Variants in SSH2 observed in about 807,000 individuals in gnomAD.
SSH2 encodes the protein protein phosphatase Slingshot homolog 2.
A neutral mutation model predicts 135.2 loss-of-function variants in SSH2; 37 were observed. The ratio of observed to expected loss-of-function variants is 0.27; its 90% CI spans 0.21 to 0.36. SSH2 has a LOEUF of 0.36. SSH2 is among the 10% of genes least tolerant of loss of function. The probability of loss-of-function intolerance (pLI) is 1.00; values close to 1 mark genes in which losing one functional copy is unlikely to be tolerated. For missense variants in SSH2, 1,408 were observed against 1,765.3 expected (o/e 0.80, Z 3.63); for synonymous variants, 628 against 646.2 (o/e 0.97, Z 0.43).
intron 14 of SSH2, among the ~76,000 whole-genome samples, chr17:29,643,851 C>G (rs930571380): frequency 1.3e-5 from 2 of 152,146 alleles, no homozygotes; most frequent in African/African-American, 4.8e-5. Flanking sequence ...TGACCCAGTC[C>G]TAGGCAATGG....
chr17:29,850,554 C>T (rs1441844335), intron 1 of SSH2, among the ~76,000 whole-genome samples: 1 of 152,180 alleles, frequency 6.6e-6, no homozygotes, highest in Admixed American at 6.5e-5. Context: ...AGCCTTGCTC[C>T]TGGTTTACTT....
At chr17:29,834,464 C>T (rs9909128) in intron 2 of SSH2, among the ~76,000 whole-genome samples, 84,395 of 151,734 alleles carry the variant, frequency 0.56, 23,825 homozygotes, top group East Asian at 0.69. Context: ...TATTAAAAAT[C>T]TAAAAATATT....
chr17:29,637,169 G>A (rs185596109), intron 14 of SSH2, among the ~76,000 whole-genome samples: 3 of 152,194 alleles, frequency 2.0e-5, no homozygotes, highest in Admixed American at 2.0e-4. Context: ...CAGTGCAGCG[G>A]CTTACTGCAA....
At chr17:29,699,981 T>G (rs2038912203) in intron 4 of SSH2, among the ~76,000 whole-genome samples, 1 of 152,174 alleles carries the variant, frequency 6.6e-6, no homozygotes, top group Non-Finnish European at 1.5e-5. Flanking sequence ...GAGGAAAATA[T>G]TGTCCAAACA....
At chr17:29,798,457 C>A (rs577459720) in intron 2 of SSH2, among the ~76,000 whole-genome samples, 2 of 152,146 alleles carry the variant, frequency 1.3e-5, no homozygotes, top group Admixed American at 1.3e-4. Flanking sequence ...GTGCCCAGCT[C>A]AATCTTTTAT....
chr17:29,680,952 G>A (rs1373349406), intron 6 of SSH2, among the ~76,000 whole-genome samples: 1 of 152,006 alleles, frequency 6.6e-6, no homozygotes, highest in Non-Finnish European at 1.5e-5. Context: ...ATAAGCTTGT[G>A]ACCAGATTTT....
chr17:29,901,332 G>C (rs2066550079), intron 1 of SSH2, among the ~76,000 whole-genome samples: 1 of 151,928 alleles, frequency 6.6e-6, no homozygotes, highest in African/African-American at 2.4e-5. Context: ...TTTTACTTAA[G>C]AGTTAGATTA....
chr17:29,756,786 C>A (rs1181700300), intron 3 of SSH2, among the ~76,000 whole-genome samples: 1 of 152,036 alleles, frequency 6.6e-6, no homozygotes, highest in African/African-American at 2.4e-5. Flanking sequence ...TCCGGAGTAG[C>A]TGGGACTACA....
chr17:29,813,743 G>A (rs910010263), intron 2 of SSH2, among the ~76,000 whole-genome samples: 10 of 151,690 alleles, frequency 6.6e-5, no homozygotes, highest in Admixed American at 1.3e-4. Flanking sequence ...GCTTGAACCC[G>A]GGAGGTGGAG....
intron 1 of SSH2, among the ~76,000 whole-genome samples, chr17:29,865,815 A>C (rs556004894): frequency 6.6e-6 from 1 of 152,310 alleles, no homozygotes; most frequent in Admixed American, 6.5e-5. Flanking sequence ...GAAATGAGGG[A>C]GCAGGCTGGG....
chr17:29,909,641 T>C (rs999738889), intron 1 of SSH2, among the ~76,000 whole-genome samples: 21 of 152,218 alleles, frequency 1.4e-4, no homozygotes, highest in Middle Eastern at 3.2e-3. Context: ...TGGAACCAGG[T>C]TGTACACACA....
intron 9 of SSH2, among the ~76,000 whole-genome samples, chr17:29,670,075 T>C (rs2037431574): frequency 1.3e-5 from 2 of 151,956 alleles, no homozygotes; most frequent in Admixed American, 6.6e-5. Flanking sequence ...AGAGACGGGG[T>C]TTCACCATGT....
chr17:29,815,127 T>A (rs1232804696), intron 2 of SSH2, among the ~76,000 whole-genome samples: 7 of 144,268 alleles, frequency 4.9e-5, no homozygotes, highest in Non-Finnish European at 9.1e-5. Flanking sequence ...TTTTGTATTT[T>A]TTTTTTTTTT....
intron 11 of SSH2, among the ~76,000 whole-genome samples, chr17:29,657,760 A>G (rs2036854831): frequency 1.3e-5 from 2 of 151,228 alleles, no homozygotes; most frequent in South Asian, 4.2e-4. Context: ...TGTTTCTTAG[A>G]GATGGGGTCT....
At chr17:29,750,387 C>T (rs927121867) in intron 3 of SSH2, among the ~76,000 whole-genome samples, 1 of 146,286 alleles carries the variant, frequency 6.8e-6, no homozygotes, top group East Asian at 2.0e-4. Flanking sequence ...GGCAGCGAGC[C>T]GAGATCATGC....
At chr17:29,815,700 C>T (rs1266219334) in intron 2 of SSH2, among the ~76,000 whole-genome samples, 1 of 152,170 alleles carries the variant, frequency 6.6e-6, no homozygotes, top group Non-Finnish European at 1.5e-5. Flanking sequence ...TGGCTGGCTA[C>T]CTAAATAAAT....
intron 1 of SSH2, among the ~76,000 whole-genome samples, chr17:29,912,656 A>G (rs1362834605): frequency 6.6e-6 from 1 of 152,142 alleles, no homozygotes; most frequent in African/African-American, 2.4e-5. Flanking sequence ...GCTTGAGCCC[A>G]GGAGTTGAAG....
chr17:29,779,810 CAAAAAAAAAAAAAAAAAAA>C (rs56789691), intron 3 of SSH2, among the ~76,000 whole-genome samples: 1 of 19,608 alleles, frequency 5.1e-5, no homozygotes, highest in African/African-American at 1.9e-4. Context: ...GACTCTGTCT[CAAAAAAAAAAAAAAAAAAA>C]AAAAAAAAAA....
At chr17:29,800,861 T>C (rs2042238641) in intron 2 of SSH2, among the ~76,000 whole-genome samples, 1 of 150,774 alleles carries the variant, frequency 6.6e-6, no homozygotes, top group African/African-American at 2.5e-5. Flanking sequence ...AGTCTTTTTT[T>C]CTTTTTTTTT....
Sources: allele counts gnomAD v4.1 joint callset (sites outside exome capture counted in the v4.1 genomes callset), GRCh38; gene constraint gnomAD v4.1.1; transcripts MANE v1.5; gene names NCBI Gene and HGNC (gene_info 2026-07-23, HGNC 2026-07-21).